The following DGKI variants were observed in gnomAD, a reference collection of about 807,000 sequenced individuals.
DGKI encodes the protein DAG kinase iota.
In DGKI, 55 loss-of-function variants were observed where a neutral mutation model predicts 147.5. The ratio of observed to expected loss-of-function variants is 0.37; its 90% confidence interval spans 0.30 to 0.47. The LOEUF (loss-of-function observed/expected upper bound fraction) is 0.47, where lower values mean the gene tolerates loss of function less well. Among genes scored for constraint, DGKI ranks in the 20% least tolerant of loss-of-function variants. The pLI, the probability that DGKI is intolerant of heterozygous loss-of-function variation, is 1.00. For synonymous variants in DGKI, 469 were observed against 477.1 expected (o/e 0.98, Z 0.22); for missense variants, 1,007 against 1,323.8 (o/e 0.76, Z 3.71).
chr7:137,536,984 C>T (rs972048128), intron 20 of DGKI, among the ~76,000 whole-genome samples: 2 of 152,126 alleles, frequency 1.3e-5, no homozygotes, highest in African/African-American at 4.8e-5. Flanking sequence ...AGTGTGGAAA[C>T]TGGCATGAGC....
At chr7:137,668,612 G>A (rs933343842) in intron 3 of DGKI, among the ~76,000 whole-genome samples, 2 of 152,142 alleles carry the variant, frequency 1.3e-5, no homozygotes, top group Non-Finnish European at 2.9e-5. Context: ...GGACAACAAG[G>A]GCAGAGTTCC....
At chr7:137,431,970 T>C (rs577280126) in intron 28 of DGKI, among the ~76,000 whole-genome samples, 42 of 152,282 alleles carry the variant, frequency 2.8e-4, no homozygotes, top group African/African-American at 1.0e-3. Context: ...TGGGAGGTGA[T>C]TGGATCATGG....
chr7:137,597,700 G>C lies in DGKI; in HGVS notation c.1311+147C>G. 7 of 707,938 alleles carry C rather than the reference G, an allele frequency of 9.9e-6. No homozygotes were observed. The South Asian group carries it at 1.2e-4, about 13-fold the overall frequency. 43.9% of individuals were successfully genotyped at this position (707,938 alleles called of 1,614,324 possible). A position where few individuals can be genotyped will look rare whatever the true frequency, so the allele number is the denominator to read the frequency against. On this transcript the variant is annotated intron_variant, in intron 12 of 32. Coordinates refer to ENST00000614521, the MANE Select transcript of DGKI (RefSeq NM_001321708.2). ...CATAAGGACAATAACAAAGTCCCTTGTTACTCTTAGGGGCTATGATTCACA... is the reference window on the plus strand; with the variant it reads ...CATAAGGACAATAACAAAGTCCCTTCTTACTCTTAGGGGCTATGATTCACA...
chr7:137,638,494 A>G (rs1688373393), intron 6 of DGKI, among the ~76,000 whole-genome samples: 1 of 112,312 alleles, frequency 8.9e-6, no homozygotes, highest in Non-Finnish European at 1.8e-5. Flanking sequence ...ATATACACAC[A>G]TATATATGTA....
chr7:137,729,983 ACAAT>A (rs1439847574), intron 1 of DGKI, among the ~76,000 whole-genome samples: 1 of 151,902 alleles, frequency 6.6e-6, no homozygotes, highest in Admixed American at 6.6e-5. Flanking sequence ...GTTGTGACTG[ACAAT>A]CAGTGTTTCC....
At chr7:137,569,467 G>A (rs375143709) in intron 19 of DGKI, among the ~76,000 whole-genome samples, 2 of 151,770 alleles carry the variant, frequency 1.3e-5, no homozygotes, top group Non-Finnish European at 2.9e-5. Flanking sequence ...GGTGGCTCAC[G>A]CCTGTAATCC....
chr7:137,576,125 G>T (rs1194035929), intron 17 of DGKI, among the ~76,000 whole-genome samples: 1 of 148,008 alleles, frequency 6.8e-6, no homozygotes, highest in African/African-American at 2.5e-5. Context: ...TGCAACCTCT[G>T]CCTCCCAGGT....
At chr7:137,661,996 C>T (rs1250063443) in intron 3 of DGKI, among the ~76,000 whole-genome samples, 1 of 152,136 alleles carries the variant, frequency 6.6e-6, no homozygotes, top group African/African-American at 2.4e-5. Flanking sequence ...TATTTAAAAA[C>T]CTAATTAGAA....
intron 20 of DGKI, among the ~76,000 whole-genome samples, chr7:137,543,199 A>G (rs1438574192): frequency 6.6e-6 from 1 of 152,210 alleles, no homozygotes; most frequent in Non-Finnish European, 1.5e-5. Flanking sequence ...TGTAGTGTGT[A>G]CATGTGTCTT....
At position 137,428,424 on chromosome 7, in the gene DGKI, G is replaced by C. The variant is rs1812913374; in HGVS notation, c.2761+15653C>G. Among the ~76,000 whole-genome samples the C allele has an allele frequency of 2.6e-5, 4 of 152,144 alleles. No individual in the cohort carries two copies. The South Asian group carries it at 8.3e-4, about 32-fold the overall frequency. On this transcript the variant is annotated intron_variant, in intron 28 of 32. Coordinates refer to ENST00000614521, the MANE Select transcript of DGKI (RefSeq NM_001321708.2). ...TCTCAAAATAATAAGAGCTATCTAT[G>C]ACAAACCCACAGCCAATATCATACT...
chr7:137,724,671 C>G (rs761513921), intron 1 of DGKI, among the ~76,000 whole-genome samples: 12 of 152,096 alleles, frequency 7.9e-5, no homozygotes, highest in Non-Finnish European at 1.6e-4. Context: ...TGACAGAGGA[C>G]CAAGTGTTTG....
chr7:137,525,338 A>AGT (rs1191946158), intron 20 of DGKI, among the ~76,000 whole-genome samples: 1 of 152,126 alleles, frequency 6.6e-6, no homozygotes, highest in Non-Finnish European at 1.5e-5. Flanking sequence ...ACTTAAACCT[A>AGT]GTCTTCTGGG....
intron 10 of DGKI, among the ~76,000 whole-genome samples, chr7:137,601,568 T>C (rs2128990065): frequency 6.6e-6 from 1 of 152,378 alleles, no homozygotes; most frequent in South Asian, 2.1e-4. Flanking sequence ...ATCATGAGCA[T>C]TTATAACCTT....
At position 137,575,746 on chromosome 7, in the gene DGKI, G is replaced by A. The variant is rs79882171; in HGVS notation, c.1761+1476C>T. Among the ~76,000 whole-genome samples the A allele has an allele frequency of 7.1e-3, 1,080 of 152,252 alleles. 15 individuals are homozygous for A. The highest frequency in any genetic ancestry group is 0.024 in the African/African-American group (1,003 of 41,536). Reference sequence around the variant, plus strand: ...AGAAGGCAATATTTCAGTCTCAAGCGTCTCCACCACTAAAAGATACTTGCT... The same window carrying A: ...AGAAGGCAATATTTCAGTCTCAAGCATCTCCACCACTAAAAGATACTTGCT... On this transcript the variant is annotated intron_variant, in intron 17 of 32. Transcript: ENST00000614521.
At chr7:137,833,530 A>G (rs1456799965) in intron 1 of DGKI, among the ~76,000 whole-genome samples, 1 of 152,192 alleles carries the variant, frequency 6.6e-6, no homozygotes, top group African/African-American at 2.4e-5. Context: ...CATGGGAATT[A>G]TGAGAGTACA....
chr7:137,675,683 CAAAAAAAAAAAAAA>C (rs61282606), intron 3 of DGKI, among the ~76,000 whole-genome samples: 1 of 107,706 alleles, frequency 9.3e-6, no homozygotes, highest in Non-Finnish European at 2.0e-5. Context: ...AGACTACATC[CAAAAAAAAAAAAAA>C]AAAAAAAAAA....
intron 1 of DGKI, among the ~76,000 whole-genome samples, chr7:137,762,230 C>T (rs1293913127): frequency 1.3e-5 from 2 of 152,164 alleles, no homozygotes; most frequent in Non-Finnish European, 2.9e-5. Context: ...ACTTAACTAG[C>T]GATCTTCTTA....
At chr7:137,454,455 G>C (rs961990887) in intron 27 of DGKI, among the ~76,000 whole-genome samples, 1 of 152,088 alleles carries the variant, frequency 6.6e-6, no homozygotes, top group Admixed American at 6.5e-5. Flanking sequence ...GAGAGATTGA[G>C]GAAGAATGGG....
intron 12 of DGKI, among the ~76,000 whole-genome samples, chr7:137,593,637 G>A (rs1819691087): frequency 6.6e-6 from 1 of 152,178 alleles, no homozygotes; most frequent in Non-Finnish European, 1.5e-5. Context: ...ATCCAAATTG[G>A]ATGTGCTGTA....
Sources: allele counts gnomAD v4.1 joint callset (sites outside exome capture counted in the v4.1 genomes callset), GRCh38; gene constraint gnomAD v4.1.1; transcripts MANE v1.5; gene names NCBI Gene and HGNC (gene_info 2026-07-23, HGNC 2026-07-21).